The following TAS2R1 variants were observed in gnomAD, a reference collection of about 807,000 sequenced individuals.
TAS2R1 encodes the protein taste receptor type 2 member 1.
For synonymous variants in TAS2R1, 141 were observed against 134.2 expected (o/e 1.05, Z -0.35); for missense variants, 370 against 353.4 (o/e 1.05, Z -0.38).
At chr5:9,746,922 TTAAAG>T in the TAS2R1 span, among the ~76,000 whole-genome samples, 1 of 151,926 alleles carries the variant, frequency 6.6e-6, no homozygotes, top group African/African-American at 2.4e-5. Context: ...ATCCCAGAAG[TTAAAG>T]TAAAATAAAT....
intron 1 of TAS2R1, among the ~76,000 whole-genome samples, chr5:9,677,750 A>G (rs1286797053): frequency 6.6e-6 from 1 of 152,222 alleles, no homozygotes; most frequent in Non-Finnish European, 1.5e-5. Flanking sequence ...CAGCCACTTT[A>G]GAAGACAGTT....
chr5:9,827,602 A>G, the TAS2R1 span, among the ~76,000 whole-genome samples: 9 of 128,084 alleles, frequency 7.0e-5, no homozygotes, highest in Admixed American at 4.2e-4. Flanking sequence ...TGGCATGCAC[A>G]CACACACACA....
the TAS2R1 span, among the ~76,000 whole-genome samples, chr5:9,894,859 G>T: frequency 9.2e-5 from 14 of 152,234 alleles, no homozygotes; most frequent in Admixed American, 2.6e-4. Flanking sequence ...CAAAGCAAAG[G>T]TTGCCTTATA....
At chr5:9,804,525 T>C in the TAS2R1 span, among the ~76,000 whole-genome samples, 1 of 152,180 alleles carries the variant, frequency 6.6e-6, no homozygotes, top group Middle Eastern at 3.4e-3. Context: ...TTTAAGAATA[T>C]CAAAATTATA....
chr5:9,647,341 G>T (rs1018187180), intron 2 of TAS2R1, among the ~76,000 whole-genome samples: 2 of 152,188 alleles, frequency 1.3e-5, no homozygotes, highest in Admixed American at 1.3e-4. Flanking sequence ...GACCAGCACA[G>T]CCTCCACAGA....
chr5:9,748,514 G>C, the TAS2R1 span, among the ~76,000 whole-genome samples: 1 of 152,102 alleles, frequency 6.6e-6, no homozygotes, highest in African/African-American at 2.4e-5. Context: ...TTCAAGATTG[G>C]GTAGCTATAT....
At chr5:9,865,994 C>T in the TAS2R1 span, among the ~76,000 whole-genome samples, 1 of 152,160 alleles carries the variant, frequency 6.6e-6, no homozygotes, top group African/African-American at 2.4e-5. Flanking sequence ...TTTCTTTCTC[C>T]TCTCTTTCTG....
At chr5:9,856,075 T>A in the TAS2R1 span, among the ~76,000 whole-genome samples, 2 of 152,214 alleles carry the variant, frequency 1.3e-5, no homozygotes, top group Non-Finnish European at 2.9e-5. Context: ...CTTGCATTTC[T>A]AACAATGGTT....
At chr5:9,842,316 C>CGTTTTTTTT in the TAS2R1 span, among the ~76,000 whole-genome samples, 1 of 116,230 alleles carries the variant, frequency 8.6e-6, no homozygotes. Context: ...TTCTTTCTCT[C>CGTTTTTTTT]TTTTTTTTTT....
chr5:9,705,595 A>T (rs772558764), intron 1 of TAS2R1, among the ~76,000 whole-genome samples: 6 of 152,152 alleles, frequency 3.9e-5, no homozygotes, highest in Admixed American at 6.6e-5. Context: ...ACGGTGGTTC[A>T]CGCCTGTAAT....
the TAS2R1 span, among the ~76,000 whole-genome samples, chr5:9,819,606 T>G: frequency 6.6e-6 from 1 of 152,180 alleles, no homozygotes; most frequent in South Asian, 2.1e-4. Flanking sequence ...CTTAGTTTTA[T>G]TAGGTAAGAA....
At chr5:9,788,373 C>A in the TAS2R1 span, among the ~76,000 whole-genome samples, 1 of 152,206 alleles carries the variant, frequency 6.6e-6, no homozygotes, top group African/African-American at 2.4e-5. Context: ...GCTGGGGCTG[C>A]ACGGATGGTC....
the TAS2R1 span, among the ~76,000 whole-genome samples, chr5:9,810,224 T>C: frequency 6.6e-6 from 1 of 152,212 alleles, no homozygotes. Context: ...ACCGATGTCT[T>C]TATCTACCAA....
At chr5:9,685,679 T>C (rs1448199194) in intron 1 of TAS2R1, among the ~76,000 whole-genome samples, 1 of 152,160 alleles carries the variant, frequency 6.6e-6, no homozygotes, top group Non-Finnish European at 1.5e-5. Context: ...CCAGGTCTGA[T>C]GGCTGCTGAT....
chr5:9,709,105 T>A (rs2126531587), intron 1 of TAS2R1, among the ~76,000 whole-genome samples: 1 of 151,198 alleles, frequency 6.6e-6, no homozygotes, highest in Non-Finnish European at 1.5e-5. Flanking sequence ...GATGGGTTGA[T>A]GGGTGCAGCA....
chr5:9,675,920 T>C (rs1424430170), intron 1 of TAS2R1, among the ~76,000 whole-genome samples: 1 of 152,188 alleles, frequency 6.6e-6, no homozygotes, highest in Non-Finnish European at 1.5e-5. Flanking sequence ...GTGGGAATCC[T>C]TGTCTTGCTT....
the TAS2R1 span, among the ~76,000 whole-genome samples, chr5:9,893,131 G>A: frequency 6.6e-6 from 1 of 152,036 alleles, no homozygotes; most frequent in African/African-American, 2.4e-5. Flanking sequence ...AGAGAGAAGG[G>A]CTCAGGGAAT....
chr5:9,673,271 G>T (rs548550470), intron 1 of TAS2R1, among the ~76,000 whole-genome samples: 1 of 152,076 alleles, frequency 6.6e-6, no homozygotes, highest in Non-Finnish European at 1.5e-5. Flanking sequence ...ATAACAAACT[G>T]CACATTTACC....
chr5:9,876,973 CAA>C, the TAS2R1 span, among the ~76,000 whole-genome samples: 12 of 152,160 alleles, frequency 7.9e-5, no homozygotes, highest in African/African-American at 2.7e-4. Context: ...GGTTGCTCCC[CAA>C]AGTGTCTACA....
Sources: allele counts gnomAD v4.1 joint callset (sites outside exome capture counted in the v4.1 genomes callset), GRCh38; gene constraint gnomAD v4.1.1; transcripts MANE v1.5; gene names NCBI Gene and HGNC (gene_info 2026-07-23, HGNC 2026-07-21).